DLG2: variants seen among roughly 807,000 people sequenced by gnomAD.
DLG2 encodes disks large homolog 2.
In DLG2, 45 loss-of-function variants were observed where a neutral mutation model predicts 132.5. The observed-to-expected ratio is 0.34, with a 90% CI of 0.27 to 0.44. The LOEUF (loss-of-function observed/expected upper bound fraction) is 0.44. DLG2 is among the 20% of genes least tolerant of loss of function. The pLI is 1.00. For missense variants in DLG2, 1,045 were observed against 1,196.9 expected (o/e 0.87, Z 1.87); for synonymous variants, 424 against 419.6 (o/e 1.01, Z -0.13).
At chr11:83,557,472 C>T (rs946707225) in intron 19 of DLG2, among the ~76,000 whole-genome samples, 20 of 152,162 alleles carry the variant, frequency 1.3e-4, no homozygotes, top group Admixed American at 2.6e-4. Context: ...AGGAATTTCT[C>T]GTTACCTCCA....
At chr11:84,019,844 G>GA (rs1199406808) in intron 11 of DLG2, among the ~76,000 whole-genome samples, 1 of 152,154 alleles carries the variant, frequency 6.6e-6, no homozygotes, top group Non-Finnish European at 1.5e-5. Context: ...TCTTCAGAAG[G>GA]AAACAACCTT....
chr11:84,940,408 C>T (rs1485309314), intron 6 of DLG2, among the ~76,000 whole-genome samples: 1 of 152,198 alleles, frequency 6.6e-6, no homozygotes, highest in East Asian at 1.9e-4. Context: ...CTGCCTAGGC[C>T]TCCCAAAGTG....
chr11:85,241,949 GT>G (rs2075901063), intron 4 of DLG2, among the ~76,000 whole-genome samples: 1 of 151,926 alleles, frequency 6.6e-6, no homozygotes, highest in Non-Finnish European at 1.5e-5. Context: ...TTATAGGTTT[GT>G]TTACCATAAG....
In DLG2 at chr11:84,350,180, C is replaced by T. The variant is rs199985659; in HGVS notation, c.520-98889G>A. Among the ~76,000 whole-genome samples, 190 of 143,528 alleles carry T rather than the reference C, an allele frequency of 1.3e-3. 2 individuals are homozygous for T. The highest frequency in any genetic ancestry group is 4.7e-3 in the African/African-American group (179 of 37,884). The allele number at this position is 143,528 out of a possible 152,430, so 94.2% of individuals were successfully genotyped here. On this transcript the variant is annotated intron_variant, in intron 7 of 27. Coordinates refer to ENST00000376104, the MANE Select transcript of DLG2 (RefSeq NM_001142699.3). ...GCGACAGAGAGAGACTTCGTCCCCCCCCCCAAAAAAAAAAAAAAAAAATCC... is the reference window on the plus strand; with the variant it reads ...GCGACAGAGAGAGACTTCGTCCCCCTCCCCAAAAAAAAAAAAAAAAAATCC...
chr11:84,944,052 C>T (rs1200304910), intron 6 of DLG2, among the ~76,000 whole-genome samples: 1 of 151,926 alleles, frequency 6.6e-6, no homozygotes, highest in Non-Finnish European at 1.5e-5. Context: ...TATGTCGTGC[C>T]ATTCTCCCAG....
rs12294813 is a variant in DLG2, at chr11:83,903,901, C to A, written c.1496+26427G>T. The stretch of plus-strand genomic sequence containing the variant: ...AAACTGCAGGTGGTAATGGACCCTA[C>A]AAATACTGTGTTTTTTCCTATGCAT... On this transcript the variant is annotated intron_variant, in intron 15 of 27. Coordinates refer to ENST00000376104, the MANE Select transcript of DLG2 (RefSeq NM_001142699.3). Among the ~76,000 whole-genome samples, 5 of 152,226 alleles carry A rather than the reference C, an allele frequency of 3.3e-5. No homozygotes were observed. The East Asian group carries it at 7.7e-4, about 23-fold the overall frequency.
chr11:85,427,789 A>T (rs1278454031), intron 3 of DLG2, among the ~76,000 whole-genome samples: 1 of 152,248 alleles, frequency 6.6e-6, no homozygotes, highest in Non-Finnish European at 1.5e-5. Flanking sequence ...TTAACTTTAA[A>T]TGTAAATGGA....
At chr11:84,553,112 C>T (rs1423251348) in intron 6 of DLG2, among the ~76,000 whole-genome samples, 4 of 152,150 alleles carry the variant, frequency 2.6e-5, no homozygotes, top group Admixed American at 6.5e-5. Context: ...GTGAGAAATA[C>T]CTTGCTCTTT....
At chr11:85,456,013 T>C (rs1190623927) in intron 3 of DLG2, among the ~76,000 whole-genome samples, 1 of 151,884 alleles carries the variant, frequency 6.6e-6, no homozygotes, top group Non-Finnish European at 1.5e-5. Context: ...GGATGATACC[T>C]GCTCCTCAAC....
At chr11:83,898,133 A>G (rs1596118559) in intron 15 of DLG2, among the ~76,000 whole-genome samples, 3 of 152,192 alleles carry the variant, frequency 2.0e-5, no homozygotes, top group African/African-American at 7.2e-5. Flanking sequence ...TCCTTTAGGA[A>G]CTATAATAAA....
chr11:83,490,981 A>G (rs561053338), intron 21 of DLG2, among the ~76,000 whole-genome samples: 11 of 152,106 alleles, frequency 7.2e-5, no homozygotes, highest in Middle Eastern at 3.4e-3. Flanking sequence ...GGTAAAATAT[A>G]TTCATAATTC....
intron 19 of DLG2, among the ~76,000 whole-genome samples, chr11:83,583,714 C>T (rs2097025069): frequency 6.6e-6 from 1 of 152,162 alleles, no homozygotes; most frequent in African/African-American, 2.4e-5. Context: ...GAACAAGAAC[C>T]TTTAACTATT....
chr11:83,471,834 G>A (rs138321212), intron 23 of DLG2, 107 bp from the exon 24 acceptor site: 3 of 833,004 alleles, frequency 3.6e-6, no homozygotes, highest in Non-Finnish European at 4.0e-6. Flanking sequence ...GAGATGCTAA[G>A]GGCATTACTT....
At chr11:84,369,773 C>T (rs536556977) in intron 7 of DLG2, among the ~76,000 whole-genome samples, 2 of 151,986 alleles carry the variant, frequency 1.3e-5, no homozygotes, top group African/African-American at 2.4e-5. Context: ...GGGTCAGATA[C>T]GCTAACAGGG....
chr11:83,691,362 G>C (rs2080962471), intron 18 of DLG2, among the ~76,000 whole-genome samples: 1 of 152,100 alleles, frequency 6.6e-6, no homozygotes, highest in South Asian at 2.1e-4. Flanking sequence ...TATATTTATG[G>C]CTAAGGACAG....
intron 19 of DLG2, among the ~76,000 whole-genome samples, chr11:83,570,471 A>C (rs1462052883): frequency 6.6e-6 from 1 of 152,208 alleles, no homozygotes; most frequent in Non-Finnish European, 1.5e-5. Flanking sequence ...AGGAAAACAC[A>C]TATTCTCATC....
At chr11:83,717,764 T>C (rs2087096458) in intron 18 of DLG2, among the ~76,000 whole-genome samples, 1 of 152,186 alleles carries the variant, frequency 6.6e-6, no homozygotes, top group African/African-American at 2.4e-5. Context: ...GTGAACCCAG[T>C]GACGTGGCAG....
chr11:83,589,192 A>G (rs1289473197), intron 19 of DLG2, among the ~76,000 whole-genome samples: 4 of 151,888 alleles, frequency 2.6e-5, no homozygotes, highest in Non-Finnish European at 5.9e-5. Context: ...TAATTGTCAG[A>G]TTCACCAAAG....
intron 14 of DLG2, among the ~76,000 whole-genome samples, chr11:83,946,330 A>G (rs995343438): frequency 2.0e-5 from 3 of 152,160 alleles, no homozygotes; most frequent in Non-Finnish European, 4.4e-5. Context: ...GACACAATGA[A>G]TTTAAGACAG....
Sources: gnomAD v4.1 joint callset for allele counts (sites outside exome capture counted in the v4.1 genomes callset) on GRCh38, gnomAD v4.1.1 for gene constraint, MANE v1.5 for transcripts, NCBI Gene and HGNC (gene_info 2026-07-23, HGNC 2026-07-21) for gene names.